The following STK36 variants were observed in gnomAD, a reference collection of about 807,000 sequenced individuals.
STK36 encodes the protein serine/threonine kinase 36.
Under a neutral mutation model 142.2 loss-of-function variants are expected in STK36, and 116 were observed. That is an observed-to-expected ratio of 0.82 (90% CI 0.70 to 0.95). The LOEUF is 0.95. STK36 is among the 40% of genes least tolerant of loss of function. The probability of loss-of-function intolerance (pLI) is 0.00; values close to 1 mark genes in which losing one functional copy is unlikely to be tolerated. For missense variants in STK36, 1,422 were observed against 1,617.2 expected (o/e 0.88, Z 2.07); for synonymous variants, 619 against 641.7 (o/e 0.96, Z 0.53).
At chr2:218,681,050 T>C (rs1940495362) in intron 10 of STK36, among the ~76,000 whole-genome samples, 1 of 152,188 alleles carries the variant, frequency 6.6e-6, no homozygotes. Flanking sequence ...TTTTATTATA[T>C]GTATTGTTTT....
In STK36 at chr2:218,697,963, G is replaced by A. The variant is rs139345285; in HGVS notation, c.3019G>A (p.Asp1007Asn). ...DADLLIGVLA[D>N]LRDSEVAAHL... ...TGACCTCCTTATAGGTGTCTTGGCC[G>A]ACCTCAGGGACTCAGAAGTTGCAGC... The change falls in exon 25 of 27, where the codon GAC (aspartate) becomes AAC (asparagine). Residue 1007 changes from aspartate (D) to asparagine (N), a missense_variant. By Grantham distance (23) the Asp-to-Asn change is conservative. Around this residue, in one of 2 missense-constraint regions of STK36, gnomAD observed 962 missense variants for 1,167.5 expected, o/e 0.82. Coordinates refer to ENST00000295709, the MANE Select transcript of STK36 (RefSeq NM_015690.5). The A allele has an allele frequency of 1.3e-4, 206 of 1,614,118 alleles. 1 individual carries two copies. The highest frequency in any genetic ancestry group is 1.4e-4 in the Non-Finnish European group (162 of 1,180,028).
chr2:218,679,314 C>G (rs1353905625), intron 7 of STK36, 53 bp downstream of exon 7: 1 of 1,539,342 alleles, frequency 6.5e-7, no homozygotes, highest in African/African-American at 1.4e-5. Flanking sequence ...TTCCTCTAAA[C>G]TACTTCCCTT....
At position 218,693,798 on chromosome 2, in the gene STK36, CTGT is replaced by C; in HGVS notation, c.2226_2228del (p.Phe743del). The C allele has an allele frequency of 6.2e-7, 1 of 1,614,176 alleles. No individual in the cohort carries two copies. The highest frequency in any genetic ancestry group is 1.1e-5 in the South Asian group (1 of 91,086). On this transcript the variant is annotated inframe_deletion, in exon 18 of 27. Transcript: ENST00000295709. ...GCAGGAGCCCCTGGCCTTGGAATCCCTGTTTATGTTGATTCAGGGCAAGGTAAG... is the reference window on the plus strand; with the variant it reads ...GCAGGAGCCCCTGGCCTTGGAATCCCTTATGTTGATTCAGGGCAAGGTAAG...
intron 26 of STK36, 73 bp downstream of exon 26, chr2:218,699,421 T>C: frequency 6.5e-7 from 1 of 1,541,886 alleles, no homozygotes. Context: ...TGAGATCATC[T>C]GTAAGGAATT....
At chr2:218,679,364 C>A in intron 7 of STK36, 103 bp downstream of exon 7, 1 of 1,332,536 alleles carries the variant, frequency 7.5e-7, no homozygotes. Context: ...GTCGTCTTTC[C>A]TCCAGCAGCT....
chr2:218,684,843 G>A (rs570491184), intron 10 of STK36: 5 of 399,662 alleles, frequency 1.3e-5, no homozygotes, highest in South Asian at 8.4e-5. Context: ...ATGCTGCAGC[G>A]GACGTCTTTC....
At position 218,694,640 on chromosome 2, in the gene STK36, G is replaced by A. The variant is rs776572230; in HGVS notation, c.2511+5G>A. The A allele has an allele frequency of 3.1e-6, 5 of 1,612,990 alleles. No individual in the cohort carries two copies. In the Admixed American group the frequency reaches 8.3e-5, roughly 27 times the overall value. The stretch of plus-strand genomic sequence containing the variant: ...GCCTTGTCTGCCCCTGCAGAGGTGA[G>A]GCCCCCCAGGGAGGGCACAGACATG... On this transcript the variant is annotated splice_donor_5th_base_variant and intron_variant, in intron 21 of 26. Coordinates refer to ENST00000295709, the MANE Select transcript of STK36 (RefSeq NM_015690.5). This position sits in a 1 kb window ranked among gnomAD's most constrained non-coding sequence, Gnocchi z 4.4.
At chr2:218,697,264 A>G (rs1204564127) in intron 23 of STK36, 51 bp downstream of exon 23, 1 of 1,573,046 alleles carries the variant, frequency 6.4e-7, no homozygotes, top group East Asian at 2.2e-5. Flanking sequence ...TCTCTTCAAG[A>G]GGAGGCAGCC....
chr2:218,691,785 T>G (rs1057235430), intron 14 of STK36, among the ~76,000 whole-genome samples: 1 of 152,192 alleles, frequency 6.6e-6, no homozygotes, highest in African/African-American at 2.4e-5. Flanking sequence ...CTCAAACTTC[T>G]GAGCTCAAGT....
In STK36 at chr2:218,697,562, T is replaced by A; in HGVS notation, c.2861T>A (p.Ile954Asn). 1.2e-6 allele frequency: 2 copies of A among 1,614,182 alleles called. No individual in the cohort carries two copies. Among genetic ancestry groups the A allele is most frequent in the South Asian group, 2.2e-5 (2 of 91,086 alleles). Reference protein sequence around the residue: ...LSQHGSILMSILKHLLCPSFL... With the variant: ...LSQHGSILMSNLKHLLCPSFL... ...CAGCATGGAAGTATCCTCATGTCCA[T>A]CCTGAAGCATCTGCTTTGCCCCAGC... The change falls in exon 24 of 27, where the codon ATC becomes AAC. Residue 954 changes from isoleucine (I) to asparagine (N), a missense_variant. Ile to Asn is a moderately radical substitution (Grantham distance 149). Transcript: ENST00000295709.
chr2:218,684,403 C>T (rs577305302), intron 10 of STK36, among the ~76,000 whole-genome samples: 148 of 140,144 alleles, frequency 1.1e-3, no homozygotes, highest in Non-Finnish European at 1.8e-3. Flanking sequence ...GCGTGAGCTA[C>T]TGCGCCTGGC....
At chr2:218,680,515 T>TA in intron 9 of STK36, 88 bp from the exon 10 acceptor site, 1 of 1,099,712 alleles carries the variant, frequency 9.1e-7, no homozygotes, top group Non-Finnish European at 1.3e-6. Flanking sequence ...TTCTCATTCT[T>TA]ATCCTGGGTC....
chr2:218,679,426 C>T, intron 7 of STK36, 134 bp from the exon 8 acceptor site: 2 of 1,307,514 alleles, frequency 1.5e-6, no homozygotes, highest in Non-Finnish European at 2.1e-6. Context: ...CCTTACAACC[C>T]ACTCTCTCTC....
chr2:218,688,325 T>C (rs1026706373), intron 11 of STK36: 1 of 465,284 alleles, frequency 2.1e-6, no homozygotes. Context: ...TTAAATAATA[T>C]TGTTTTATAT....
rs1408192493 is a variant in STK36 at position 218,696,523 on chromosome 2, A to G, written c.2512-4A>G. On this transcript the variant is annotated splice_polypyrimidine_tract_variant and splice_region_variant and intron_variant, in intron 21 of 26. Transcript: ENST00000295709. The stretch of plus-strand genomic sequence containing the variant: ...CCTGCATTCTTCATGTTTCTCTCTG[A>G]CAGGTTCGGTTGACTCCACCAGGTA... 6.2e-7 allele frequency: 1 copy of G among 1,613,836 alleles called. No homozygotes were observed. Among genetic ancestry groups the G allele is most frequent in the Non-Finnish European group, 8.5e-7 (1 of 1,179,884 alleles).
intron 10 of STK36, among the ~76,000 whole-genome samples, chr2:218,681,627 G>T (rs559968534): frequency 6.6e-6 from 1 of 152,186 alleles, no homozygotes; most frequent in Non-Finnish European, 1.5e-5. Flanking sequence ...CTGGAGTCTG[G>T]AAAGTTCAAG....
intron 26 of STK36, among the ~76,000 whole-genome samples, chr2:218,700,200 C>T (rs1941392519): frequency 1.3e-5 from 2 of 151,536 alleles, no homozygotes; most frequent in Non-Finnish European, 2.9e-5. Flanking sequence ...GGATTATAGG[C>T]GTGAGCCACT....
At chr2:218,689,024 T>C (rs1219311800) in intron 12 of STK36, 148 bp downstream of exon 12, 14 of 817,382 alleles carry the variant, frequency 1.7e-5, no homozygotes. Flanking sequence ...TTGCAAACTC[T>C]AATGCCTTCT....
intron 14 of STK36, among the ~76,000 whole-genome samples, chr2:218,691,673 G>A (rs372948512): frequency 6.6e-6 from 1 of 151,810 alleles, no homozygotes; most frequent in Non-Finnish European, 1.5e-5. Context: ...CTCCCATCTC[G>A]GCCTCTTGAG....
Sources: allele counts gnomAD v4.1 joint callset (sites outside exome capture counted in the v4.1 genomes callset), GRCh38; gene constraint gnomAD v4.1.1; regional missense constraint gnomAD v4.1.1; non-coding constraint Gnocchi (gnomAD v3.1); transcripts MANE v1.5; gene names NCBI Gene and HGNC (gene_info 2026-07-23, HGNC 2026-07-21).